The following NEDD4 variants were observed in gnomAD, a reference collection of about 807,000 sequenced individuals.
NEDD4 encodes NEDD4 E3 ubiquitin protein ligase, also known as E3 ubiquitin-protein ligase NEDD4.
In NEDD4, 99 loss-of-function variants were observed where a neutral mutation model predicts 144.9. The ratio of observed to expected loss-of-function variants is 0.68; its 90% CI spans 0.58 to 0.81. NEDD4 has a LOEUF of 0.81. NEDD4 is among the 30% of genes least tolerant of loss of function. The pLI is 0.00. For synonymous variants in NEDD4, 318 were observed against 350.6 expected, an observed-to-expected ratio of 0.91 and a Z score of 1.04; for missense variants, 985 against 1,065.9, an observed-to-expected ratio of 0.92 and a Z score of 1.06.
chr15:55,987,020 A>G (rs1157054460), intron 1 of NEDD4, among the ~76,000 whole-genome samples: 1 of 148,140 alleles, frequency 6.8e-6, no homozygotes, highest in African/African-American at 2.5e-5. Context: ...TGGTATTTCT[A>G]GTTCTAGATC....
intron 2 of NEDD4, among the ~76,000 whole-genome samples, chr15:55,964,906 A>G (rs1214572503): frequency 6.6e-6 from 1 of 151,592 alleles, no homozygotes; most frequent in Non-Finnish European, 1.5e-5. Context: ...TTCTCATTCT[A>G]TTTGTTCCTC....
In NEDD4 at chr15:55,842,037, C is replaced by T; in HGVS notation, c.1735G>A (p.Gly579Ser). ...CCTCCATAATCCAATCCCTTTTCAC[C>T]ATCAAACTCAATCCACAGTCGAGCC... ...LKARLWIEFD[G>S]EKGLDYGGVA... The change falls in exon 19 of 29, where the codon GGT becomes AGT. Residue 579 changes from glycine to serine, a missense_variant. Transcript: ENST00000435532. 6.2e-7 allele frequency: 1 copy of T among 1,614,180 alleles called. No individual in the cohort carries two copies. The highest frequency in any genetic ancestry group is 1.1e-5 in the South Asian group (1 of 91,082).
intron 1 of NEDD4, among the ~76,000 whole-genome samples, chr15:55,976,586 G>C (rs1358575468): frequency 1.3e-5 from 2 of 150,906 alleles, no homozygotes; most frequent in African/African-American, 4.9e-5. Context: ...ATGCTGGCAA[G>C]AACGTGGCAA....
chr15:55,938,469 A>G (rs1038436887), intron 4 of NEDD4, among the ~76,000 whole-genome samples: 4 of 152,186 alleles, frequency 2.6e-5, no homozygotes, highest in African/African-American at 9.6e-5. Context: ...CTCAAAATGA[A>G]TTAAAGACAC....
chr15:55,829,795 A>G lies in NEDD4; in HGVS notation c.*102T>C. 1.5e-6 allele frequency: 1 copy of G among 688,918 alleles called. No individual in the cohort carries two copies. Among genetic ancestry groups the G allele is most frequent in the East Asian group, 2.7e-5 (1 of 37,700 alleles). The allele number at this position is 688,918 out of a possible 1,614,324, so 42.7% of individuals were successfully genotyped here. ...ATATGATTTTCTTCAAGATCTGGGA[A>G]GACTCAGTGGCCACATTTTAGTAGT... is the stretch of plus-strand genomic sequence containing the variant. On this transcript the variant is annotated 3_prime_UTR_variant, in exon 29 of 29. Coordinates refer to ENST00000435532, the MANE Select transcript of NEDD4 (RefSeq NM_006154.4).
chr15:55,940,468 AAAG>A (rs1244145208), intron 4 of NEDD4, among the ~76,000 whole-genome samples: 3 of 120,872 alleles, frequency 2.5e-5, no homozygotes, highest in Non-Finnish European at 6.2e-5. Context: ...CTCTAATTCC[AAAG>A]TAGTCCTTCC....
At chr15:55,887,415 C>T (rs550761392) in intron 5 of NEDD4, among the ~76,000 whole-genome samples, 40 of 152,244 alleles carry the variant, frequency 2.6e-4, no homozygotes, top group African/African-American at 9.6e-4. Context: ...TAGACACATA[C>T]AACCTATTAA....
intron 2 of NEDD4, among the ~76,000 whole-genome samples, chr15:55,962,258 T>C (rs112572912): frequency 2.0e-5 from 3 of 152,358 alleles, no homozygotes; most frequent in South Asian, 2.1e-4. Context: ...TCAAATTAGC[T>C]ATGTCTTTAT....
Position 55,922,110 on chromosome 15 carries a change from G to A in NEDD4, c.291+2536C>T, listed in dbSNP as rs552710857. Among the ~76,000 whole-genome samples the A allele has an allele frequency of 1.7e-4, 26 of 152,136 alleles. No homozygotes were observed. In the South Asian group the frequency reaches 3.1e-3, roughly 18 times the overall value. On this transcript the variant is annotated intron_variant, in intron 5 of 28. Transcript: ENST00000435532. ...ATCTCTTAGAGATAGACTCAGACAC[G>A]TACATAGGGAGACATAAAAATGTTT... is the stretch of plus-strand genomic sequence containing the variant.
chr15:55,862,652 A>ATAAAATTAAAAACCTAT (rs1490978647), intron 9 of NEDD4, among the ~76,000 whole-genome samples: 1 of 152,206 alleles, frequency 6.6e-6, no homozygotes, highest in Admixed American at 6.5e-5. Flanking sequence ...TTGTGGCTAC[A>ATAAAATTAAAAACCTAT]TAAAATTAAA....
chr15:55,970,522 G>C (rs553138035), intron 1 of NEDD4, among the ~76,000 whole-genome samples: 31 of 152,330 alleles, frequency 2.0e-4, no homozygotes, highest in South Asian at 4.1e-4. Flanking sequence ...GTGGCCACAG[G>C]ATTGTGTCAC....
chr15:55,961,754 C>T (rs2037430259), intron 2 of NEDD4, among the ~76,000 whole-genome samples: 1 of 152,100 alleles, frequency 6.6e-6, no homozygotes, highest in African/African-American at 2.4e-5. Context: ...CAGATGTGAG[C>T]CACCGCGCCT....
chr15:55,842,553 T>G lies in NEDD4; in HGVS notation c.1609-390A>C, dbSNP rs147935033. 6.8e-3 allele frequency among the ~76,000 whole-genome samples: 1,030 copies of G among 152,260 alleles called. 10 individuals are homozygous for G. Among genetic ancestry groups the G allele is most frequent in the African/African-American group, 0.024 (985 of 41,550 alleles). On this transcript the variant is annotated intron_variant, in intron 18 of 28. Coordinates refer to ENST00000435532, the MANE Select transcript of NEDD4 (RefSeq NM_006154.4). ...GGCGCATGCCATCATGCCTGACTAA[T>G]TTTTTAAGTTTTTGAGGTCTTGCCA...
chr15:55,835,075 A>G (rs577400214), intron 24 of NEDD4, among the ~76,000 whole-genome samples: 1 of 152,094 alleles, frequency 6.6e-6, no homozygotes, highest in Non-Finnish European at 1.5e-5. Flanking sequence ...AACAAAGCAA[A>G]ACAAACAAAC....
rs928045595 is a variant in NEDD4 at position 55,889,391 on chromosome 15, A to G, written c.292-15383T>C. Among the ~76,000 whole-genome samples, 24 of 152,240 alleles carry G rather than the reference A, an allele frequency of 1.6e-4. 1 individual carries two copies. Among genetic ancestry groups the G allele is most frequent in the African/African-American group, 5.5e-4 (23 of 41,460 alleles). ...ATACACAATGGAGTACTATCCAGCC[A>G]TAAAAGGAATGAGATCCGCTCATTT... On this transcript the variant is annotated intron_variant, in intron 5 of 28. Coordinates refer to ENST00000435532, the MANE Select transcript of NEDD4 (RefSeq NM_006154.4).
chr15:55,850,821 C>A, intron 13 of NEDD4, 79 bp from the exon 14 acceptor site: 2 of 1,289,188 alleles, frequency 1.6e-6, no homozygotes, highest in Non-Finnish European at 2.1e-6. Flanking sequence ...GGTAACTTAA[C>A]CTGCAAATAG....
chr15:55,951,990 T>C (rs2037248977), intron 2 of NEDD4, among the ~76,000 whole-genome samples: 1 of 151,964 alleles, frequency 6.6e-6, no homozygotes, highest in Non-Finnish European at 1.5e-5. Context: ...TAAACTCTTC[T>C]TATAAAGTAA....
intron 7 of NEDD4, among the ~76,000 whole-genome samples, chr15:55,870,297 A>G (rs1241748250): frequency 1.3e-5 from 2 of 152,190 alleles, no homozygotes; most frequent in Non-Finnish European, 2.9e-5. Context: ...TTTGGATGAC[A>G]GAAGAGTAGA....
intron 14 of NEDD4, among the ~76,000 whole-genome samples, chr15:55,849,512 C>G (rs1259736617): frequency 6.6e-6 from 1 of 151,896 alleles, no homozygotes; most frequent in Admixed American, 6.6e-5. Flanking sequence ...GTGCCTGGCC[C>G]TGGACCACAT....
Sources: gnomAD v4.1 joint callset for allele counts (sites outside exome capture counted in the v4.1 genomes callset) on GRCh38, gnomAD v4.1.1 for gene constraint, MANE v1.5 for transcripts, NCBI Gene and HGNC (gene_info 2026-07-23, HGNC 2026-07-21) for gene names.